Variants in RBPMS observed in about 807,000 individuals in gnomAD.
The protein encoded by RBPMS is RNA-binding protein with multiple splicing.
Under a neutral mutation model 26.8 loss-of-function variants are expected in RBPMS, and 7 were observed. The observed-to-expected ratio is 0.26, with a 90% CI of 0.15 to 0.49. The LOEUF is 0.49. Among genes scored for constraint, RBPMS ranks in the 20% least tolerant of loss-of-function variants. RBPMS has a pLI of 0.98. For synonymous variants in RBPMS, 96 were observed against 93.3 expected (o/e 1.03, Z -0.17); for missense variants, 186 against 250.0 (o/e 0.74, Z 1.73).
chr8:30,387,971 ATACTTC>A (rs138881033), intron 1 of RBPMS, among the ~76,000 whole-genome samples: 2,247 of 152,266 alleles, frequency 0.015, 52 homozygotes, highest in African/African-American at 0.051. Context: ...ACATGTATTA[ATACTTC>A]TACTTTGGAT....
chr8:30,543,221 G>A (rs1018987685), intron 5 of RBPMS, among the ~76,000 whole-genome samples: 4 of 152,204 alleles, frequency 2.6e-5, no homozygotes, highest in Admixed American at 1.3e-4. Flanking sequence ...AGAAGCTCGT[G>A]CCATGCAAGC....
chr8:30,438,192 G>C (rs1269448770), intron 1 of RBPMS, among the ~76,000 whole-genome samples: 1 of 152,152 alleles, frequency 6.6e-6, no homozygotes, highest in African/African-American at 2.4e-5. Flanking sequence ...CAGGACATGA[G>C]GATCACCTAT....
chr8:30,486,525 T>C lies in RBPMS; in HGVS notation c.246+7148T>C, dbSNP rs528744183. ...GCGGCTGCCTGTAATTCCAGCTACT[T>C]GGGAGGCTGAGGCAGGAGAATCGCT... is the stretch of plus-strand genomic sequence containing the variant. On this transcript the variant is annotated intron_variant, in intron 4 of 8. Coordinates refer to ENST00000397323, the MANE Select transcript of RBPMS (RefSeq NM_001008710.3). 8.6e-5 allele frequency among the ~76,000 whole-genome samples: 13 copies of C among 151,208 alleles called. 2 individuals carry two copies. The highest frequency in any genetic ancestry group is 3.2e-4 in the African/African-American group (13 of 41,196).
At chr8:30,519,550 C>A (rs987617056) in intron 5 of RBPMS, among the ~76,000 whole-genome samples, 1 of 138,132 alleles carries the variant, frequency 7.2e-6, no homozygotes, top group African/African-American at 2.7e-5. Flanking sequence ...GTGGTGCGAT[C>A]TCGGCTCACT....
chr8:30,564,045 A>C (rs938095963), intron 7 of RBPMS: 2 of 152,226 alleles, frequency 1.3e-5, no homozygotes, highest in Non-Finnish European at 2.9e-5. Context: ...TTGGGTGGTG[A>C]TAGTATTCAG....
chr8:30,514,611 C>T (rs923449402), intron 5 of RBPMS, among the ~76,000 whole-genome samples: 3 of 149,176 alleles, frequency 2.0e-5, no homozygotes, highest in African/African-American at 4.9e-5. Flanking sequence ...GTGGCTTGAT[C>T]GGCTCACTGC....
intron 1 of RBPMS, among the ~76,000 whole-genome samples, chr8:30,471,846 G>A (rs974545763): frequency 2.0e-5 from 3 of 152,136 alleles, no homozygotes; most frequent in Admixed American, 1.3e-4. Context: ...AAAGTTGGGG[G>A]TAGTGGAAAT....
At chr8:30,554,445 A>G (rs1311535457) in intron 6 of RBPMS, among the ~76,000 whole-genome samples, 1 of 152,072 alleles carries the variant, frequency 6.6e-6, no homozygotes, top group Non-Finnish European at 1.5e-5. Flanking sequence ...TTATTTTGGA[A>G]CTTCTTGGAG....
intron 6 of RBPMS, among the ~76,000 whole-genome samples, chr8:30,549,064 A>G (rs1269998503): frequency 6.6e-6 from 1 of 152,194 alleles, no homozygotes; most frequent in Non-Finnish European, 1.5e-5. Flanking sequence ...GAGGCTCACA[A>G]GGCAAGGACT....
chr8:30,559,512 C>T (rs1002105227), intron 7 of RBPMS, among the ~76,000 whole-genome samples: 3 of 152,212 alleles, frequency 2.0e-5, no homozygotes, highest in Non-Finnish European at 4.4e-5. Flanking sequence ...CATTTTTGTG[C>T]CATTTTAGGC....
At chr8:30,452,897 G>A (rs759255805) in intron 1 of RBPMS, among the ~76,000 whole-genome samples, 3 of 152,130 alleles carry the variant, frequency 2.0e-5, no homozygotes, top group Non-Finnish European at 4.4e-5. Flanking sequence ...TCTTTTCCTT[G>A]GAGATTTCCT....
At chr8:30,462,733 T>TTTG (rs745701840) in intron 1 of RBPMS, among the ~76,000 whole-genome samples, 9 of 152,114 alleles carry the variant, frequency 5.9e-5, no homozygotes, top group Middle Eastern at 3.4e-3. Context: ...GGCCTGATTT[T>TTTG]TTGTTGTTGT....
chr8:30,425,389 A>ATG (rs1811238588), intron 1 of RBPMS, among the ~76,000 whole-genome samples: 2 of 151,964 alleles, frequency 1.3e-5, no homozygotes, highest in African/African-American at 4.8e-5. Context: ...TATATTTGAT[A>ATG]TGTAGCGTAA....
intron 6 of RBPMS, among the ~76,000 whole-genome samples, chr8:30,555,637 G>A (rs1175835774): frequency 6.6e-6 from 1 of 152,212 alleles, no homozygotes; most frequent in Non-Finnish European, 1.5e-5. Flanking sequence ...GTGAGGGGCC[G>A]CTGCCTTGCA....
At chr8:30,465,578 G>A (rs537866893) in intron 1 of RBPMS, among the ~76,000 whole-genome samples, 1 of 152,330 alleles carries the variant, frequency 6.6e-6, no homozygotes, top group South Asian at 2.1e-4. Flanking sequence ...CCTGAGGTCA[G>A]GAGTTTGAGA....
intron 1 of RBPMS, among the ~76,000 whole-genome samples, chr8:30,419,163 TG>T (rs1166358775): frequency 6.6e-6 from 1 of 152,016 alleles, no homozygotes; most frequent in Non-Finnish European, 1.5e-5. Context: ...TTTAAAAATA[TG>T]GCTGGGCGCA....
intron 5 of RBPMS, among the ~76,000 whole-genome samples, chr8:30,532,189 G>A (rs942608959): frequency 6.6e-6 from 1 of 152,108 alleles, no homozygotes; most frequent in Non-Finnish European, 1.5e-5. Flanking sequence ...TCTGAGGCAC[G>A]AAGAATGAGG....
intron 5 of RBPMS, among the ~76,000 whole-genome samples, chr8:30,543,052 T>A (rs1472444474): frequency 6.6e-6 from 1 of 151,936 alleles, no homozygotes; most frequent in Non-Finnish European, 1.5e-5. Flanking sequence ...GAGGAGGTAG[T>A]TTTTACTGCC....
At chr8:30,563,306 T>C (rs187967729) in intron 7 of RBPMS, among the ~76,000 whole-genome samples, 247 of 152,392 alleles carry the variant, frequency 1.6e-3, no homozygotes, top group African/African-American at 5.7e-3. Flanking sequence ...GGTTCAGCCA[T>C]GTGCTAGAGA....
Sources: allele counts gnomAD v4.1 joint callset (sites outside exome capture counted in the v4.1 genomes callset), GRCh38; gene constraint gnomAD v4.1.1; transcripts MANE v1.5; gene names NCBI Gene and HGNC (gene_info 2026-07-23, HGNC 2026-07-21).